Variants in GALNT13 observed in about 807,000 individuals in gnomAD.
GALNT13 encodes the protein polypeptide N-acetylgalactosaminyltransferase 13.
GALNT13 carries 28 observed loss-of-function variants against 64.2 expected under a neutral mutation model. The observed-to-expected ratio is 0.44, with a 90% CI of 0.32 to 0.60. The LOEUF (loss-of-function observed/expected upper bound fraction) is 0.60. GALNT13 is among the 20% of genes least tolerant of loss of function. GALNT13 has a pLI of 0.05. For synonymous variants in GALNT13, 214 were observed against 224.6 expected, an observed-to-expected ratio of 0.95 and a Z score of 0.42; for missense variants, 577 against 669.8, an observed-to-expected ratio of 0.86 and a Z score of 1.53.
the GALNT13 span, among the ~76,000 whole-genome samples, chr2:153,837,226 T>C: frequency 2.0e-5 from 3 of 152,154 alleles, no homozygotes; most frequent in African/African-American, 7.2e-5. Flanking sequence ...GATACCTCAT[T>C]GTGGTTTTGA....
chr2:153,284,018 A>T, the GALNT13 span, among the ~76,000 whole-genome samples: 2 of 152,168 alleles, frequency 1.3e-5, no homozygotes, highest in Non-Finnish European at 2.9e-5. Context: ...ATACCTGCAG[A>T]TCTGCCTGGG....
intron 3 of GALNT13, among the ~76,000 whole-genome samples, chr2:153,991,993 T>C (rs72866866): frequency 0.07 from 10,680 of 152,188 alleles, 441 homozygotes; most frequent in Middle Eastern, 0.13. Flanking sequence ...GTGTTTGAAA[T>C]CATGGGAGAG....
At chr2:153,426,090 G>A in the GALNT13 span, among the ~76,000 whole-genome samples, 1 of 151,824 alleles carries the variant, frequency 6.6e-6, no homozygotes, top group Non-Finnish European at 1.5e-5. Context: ...GATAGTGAGA[G>A]TGAAAATAAT....
intron 9 of GALNT13, among the ~76,000 whole-genome samples, chr2:154,365,945 G>T (rs986434592): frequency 6.6e-6 from 1 of 152,136 alleles, no homozygotes; most frequent in African/African-American, 2.4e-5. Context: ...GGCCATTAGT[G>T]TGAAGTCAAT....
intron 3 of GALNT13, among the ~76,000 whole-genome samples, chr2:154,089,726 C>A (rs192816785): frequency 1.4e-4 from 22 of 151,970 alleles, no homozygotes; most frequent in Non-Finnish European, 1.5e-5. Flanking sequence ...CAGACTCTTG[C>A]TGCTCTTGCT....
At chr2:154,088,222 C>T (rs1208218487) in intron 3 of GALNT13, among the ~76,000 whole-genome samples, 3 of 152,062 alleles carry the variant, frequency 2.0e-5, no homozygotes, top group African/African-American at 4.8e-5. Flanking sequence ...CTGTTACATT[C>T]CAATATTCTT....
intron 9 of GALNT13, among the ~76,000 whole-genome samples, chr2:154,344,320 G>A (rs1260943527): frequency 6.6e-6 from 1 of 152,024 alleles, no homozygotes; most frequent in Non-Finnish European, 1.5e-5. Context: ...TTATGTTGTT[G>A]TTCTGTCATC....
At chr2:153,607,082 G>A in the GALNT13 span, among the ~76,000 whole-genome samples, 1 of 151,980 alleles carries the variant, frequency 6.6e-6, no homozygotes, top group African/African-American at 2.4e-5. Flanking sequence ...ATCTGTGTGA[G>A]CAGTTATTGA....
chr2:153,441,922 A>T, the GALNT13 span, among the ~76,000 whole-genome samples: 42 of 152,218 alleles, frequency 2.8e-4, no homozygotes, highest in African/African-American at 9.6e-4. Context: ...CTCTCTTCCC[A>T]TTTGAATACC....
chr2:154,172,651 AGTGT>A (rs70983709), intron 4 of GALNT13, among the ~76,000 whole-genome samples: 4 of 150,584 alleles, frequency 2.7e-5, no homozygotes, highest in East Asian at 2.0e-4. Flanking sequence ...AATATTCTAG[AGTGT>A]GTGTGTGTGT....
At chr2:153,862,418 A>T in the GALNT13 span, among the ~76,000 whole-genome samples, 2 of 152,166 alleles carry the variant, frequency 1.3e-5, no homozygotes, top group Non-Finnish European at 2.9e-5. Context: ...TGAAGGGTGA[A>T]TTCTCATGTT....
the GALNT13 span, among the ~76,000 whole-genome samples, chr2:153,630,629 C>T: frequency 1.4e-5 from 2 of 138,192 alleles, no homozygotes; most frequent in Admixed American, 7.5e-5. Flanking sequence ...GCACATGTAC[C>T]CTAAAACTTA....
chr2:154,163,867 GT>G (rs1266122342), intron 4 of GALNT13, among the ~76,000 whole-genome samples: 1 of 152,110 alleles, frequency 6.6e-6, no homozygotes, highest in African/African-American at 2.4e-5. Context: ...GTCATAAGCT[GT>G]TTTCCTCAGT....
chr2:153,562,092 GT>G, the GALNT13 span, among the ~76,000 whole-genome samples: 1 of 129,062 alleles, frequency 7.7e-6, no homozygotes, highest in Non-Finnish European at 1.7e-5. Flanking sequence ...GTGTGTGTGT[GT>G]GTGTGTGTGT....
In GALNT13 at chr2:154,434,599, G is replaced by A. The variant is rs181621163; in HGVS notation, c.1396-3993G>A. ...CATCATCACCTGTATCATTATCACC[G>A]TCTTATAAGATAGCTGAGATTAAAA... On this transcript the variant is annotated intron_variant, in intron 11 of 12. Coordinates refer to ENST00000392825, the MANE Select transcript of GALNT13 (RefSeq NM_052917.4). Among the ~76,000 whole-genome samples the A allele has an allele frequency of 2.1e-3, 314 of 152,064 alleles. 1 individual carries two copies. Among genetic ancestry groups the A allele is most frequent in the African/African-American group, 7.3e-3 (303 of 41,466 alleles).
chr2:153,484,756 A>G, the GALNT13 span, among the ~76,000 whole-genome samples: 1 of 152,178 alleles, frequency 6.6e-6, no homozygotes, highest in Non-Finnish European at 1.5e-5. Flanking sequence ...AAAATCTTCC[A>G]AATGATTCAA....
the GALNT13 span, among the ~76,000 whole-genome samples, chr2:153,305,423 A>G: frequency 6.6e-6 from 1 of 152,110 alleles, no homozygotes; most frequent in South Asian, 2.1e-4. Flanking sequence ...GTGCTATTGG[A>G]GGTGGTTTCA....
chr2:154,001,510 C>G (rs937180142), intron 3 of GALNT13, among the ~76,000 whole-genome samples: 2 of 151,760 alleles, frequency 1.3e-5, no homozygotes, highest in African/African-American at 4.8e-5. Context: ...AAGCTGATAC[C>G]ATCTTAACTT....
At position 154,224,313 on chromosome 2, in the gene GALNT13, A is replaced by G. The variant is rs1282059814; in HGVS notation, c.312-17717A>G. Reference sequence around the variant, plus strand: ...ATTTAAGCTATGTGCATTTCATGGTATATAAATTTTACATAAAAATACTGA... The same window carrying G: ...ATTTAAGCTATGTGCATTTCATGGTGTATAAATTTTACATAAAAATACTGA... On this transcript the variant is annotated intron_variant, in intron 4 of 12. Transcript: ENST00000392825. 4.6e-5 allele frequency among the ~76,000 whole-genome samples: 7 copies of G among 152,232 alleles called. No homozygotes were observed. In the East Asian group the frequency reaches 1.4e-3, roughly 29 times the overall value.
Sources: gnomAD v4.1 joint callset for allele counts (sites outside exome capture counted in the v4.1 genomes callset) on GRCh38, gnomAD v4.1.1 for gene constraint, MANE v1.5 for transcripts, NCBI Gene and HGNC (gene_info 2026-07-23, HGNC 2026-07-21) for gene names.